Variants in RPS6KC1 observed in about 807,000 individuals in gnomAD.
RPS6KC1 encodes ribosomal protein S6 kinase C1, also known as inactive ribosomal protein S6 kinase delta-1.
In RPS6KC1, 54 loss-of-function variants were observed where a neutral mutation model predicts 103.8. The observed-to-expected ratio is 0.52, with a 90% confidence interval of 0.42 to 0.65. RPS6KC1 has a LOEUF of 0.65. Ranked by LOEUF, RPS6KC1 falls within the 30% of genes least tolerant of loss-of-function variation. The pLI, the probability that RPS6KC1 is intolerant of heterozygous loss-of-function variation, is 0.00. For missense variants in RPS6KC1, 1,151 were observed against 1,253.8 expected, an observed-to-expected ratio of 0.92 and a Z score of 1.24; for synonymous variants, 439 against 438.7, an observed-to-expected ratio of 1.00 and a Z score of -0.01.
chr1:213,727,212 C>T, the RPS6KC1 span, among the ~76,000 whole-genome samples: 1 of 152,174 alleles, frequency 6.6e-6, no homozygotes, highest in Non-Finnish European at 1.5e-5. Context: ...AATAGATCAT[C>T]TAGAAAATTT....
the RPS6KC1 span, among the ~76,000 whole-genome samples, chr1:213,375,010 CACACATACATACACATACACACACAT>C: frequency 6.6e-6 from 1 of 151,672 alleles, no homozygotes; most frequent in African/African-American, 2.4e-5. Flanking sequence ...CATACATACA[CACACATACATACACATACACACACAT>C]ACACATACAT....
chr1:213,316,061 T>A, the RPS6KC1 span, among the ~76,000 whole-genome samples: 7 of 152,186 alleles, frequency 4.6e-5, no homozygotes, highest in Non-Finnish European at 8.8e-5. Context: ...ATCCCCATAA[T>A]CCCCACATGT....
At chr1:213,500,823 A>G in the RPS6KC1 span, among the ~76,000 whole-genome samples, 1 of 152,218 alleles carries the variant, frequency 6.6e-6, no homozygotes, top group Admixed American at 6.5e-5. Context: ...AATATTTTAG[A>G]ATGAATTATG....
At chr1:213,539,880 C>T in the RPS6KC1 span, among the ~76,000 whole-genome samples, 24 of 151,968 alleles carry the variant, frequency 1.6e-4, 1 homozygote, top group African/African-American at 5.3e-4. Context: ...TTCCCTAGTA[C>T]GTATAAAAGT....
chr1:213,398,770 T>G, the RPS6KC1 span, among the ~76,000 whole-genome samples: 1 of 152,168 alleles, frequency 6.6e-6, no homozygotes, highest in Admixed American at 6.5e-5. Flanking sequence ...TATATTTTCT[T>G]TAATTTCCTC....
chr1:213,573,887 T>C, the RPS6KC1 span, among the ~76,000 whole-genome samples: 1 of 152,200 alleles, frequency 6.6e-6, no homozygotes, highest in African/African-American at 2.4e-5. Flanking sequence ...AGTCCAGTTA[T>C]GGAAATGCCA....
the RPS6KC1 span, among the ~76,000 whole-genome samples, chr1:213,330,849 C>T: frequency 6.6e-6 from 1 of 152,086 alleles, no homozygotes; most frequent in Non-Finnish European, 1.5e-5. Flanking sequence ...TCATTTTCTC[C>T]TAGAAGGAGA....
At chr1:213,737,700 T>A in the RPS6KC1 span, among the ~76,000 whole-genome samples, 3 of 152,084 alleles carry the variant, frequency 2.0e-5, no homozygotes, top group Non-Finnish European at 4.4e-5. Context: ...TAAGGGAAGG[T>A]GGTCCAATTC....
chr1:213,428,472 C>CCTTCCTTCCTT, the RPS6KC1 span, among the ~76,000 whole-genome samples: 170 of 34,150 alleles, frequency 5.0e-3, 2 homozygotes, highest in African/African-American at 0.021. Context: ...TTTCCTCCCT[C>CCTTCCTTCCTT]CCTCCCTCCC....
intron 8 of RPS6KC1, among the ~76,000 whole-genome samples, chr1:213,190,665 A>G (rs971879450): frequency 6.6e-6 from 1 of 151,974 alleles, no homozygotes; most frequent in South Asian, 2.1e-4. Flanking sequence ...ATATGATCCT[A>G]TTTGTCCATT....
At chr1:213,331,135 G>C in the RPS6KC1 span, among the ~76,000 whole-genome samples, 2 of 152,244 alleles carry the variant, frequency 1.3e-5, no homozygotes, top group African/African-American at 4.8e-5. Context: ...CTGCTAATGT[G>C]CTGGCACAGG....
the RPS6KC1 span, among the ~76,000 whole-genome samples, chr1:213,848,864 G>A: frequency 1.3e-5 from 2 of 152,092 alleles, no homozygotes; most frequent in East Asian, 1.9e-4. Context: ...AGCAGAGCCC[G>A]AGGCAAAGTT....
the RPS6KC1 span, among the ~76,000 whole-genome samples, chr1:213,761,061 G>C: frequency 9.2e-5 from 14 of 151,920 alleles, no homozygotes; most frequent in African/African-American, 3.4e-4. Flanking sequence ...AGCTGGTCTC[G>C]GTGACTCTGT....
At chr1:213,304,165 C>A in the RPS6KC1 span, among the ~76,000 whole-genome samples, 13 of 144,968 alleles carry the variant, frequency 9.0e-5, no homozygotes, top group Non-Finnish European at 1.0e-4. Flanking sequence ...GAGATCCCGC[C>A]ACTGCACTCC....
chr1:213,165,637 A>T (rs1348083934), intron 6 of RPS6KC1, among the ~76,000 whole-genome samples: 1 of 151,944 alleles, frequency 6.6e-6, no homozygotes, highest in Non-Finnish European at 1.5e-5. Context: ...GTTAGCCAGG[A>T]TGGTCTCGAA....
At chr1:213,098,168 T>C (rs992624598) in intron 3 of RPS6KC1, among the ~76,000 whole-genome samples, 1 of 152,046 alleles carries the variant, frequency 6.6e-6, no homozygotes, top group Non-Finnish European at 1.5e-5. Flanking sequence ...AAGGCTGGAG[T>C]GTAGTGATGC....
rs887492281 is a variant in RPS6KC1, at chr1:213,051,271, G to A, written c.-134G>A. On this transcript the variant is annotated 5_prime_UTR_variant, in exon 1 of 15. Coordinates refer to ENST00000366960, the MANE Select transcript of RPS6KC1 (RefSeq NM_012424.6). Reference sequence around the variant, plus strand: ...GGAAGCAGAGCTGTGCAGCTGAGGCGCCGCCGTGGAGCCGCCTTGGAGCCA... The same window carrying A: ...GGAAGCAGAGCTGTGCAGCTGAGGCACCGCCGTGGAGCCGCCTTGGAGCCA... The A allele has an allele frequency of 2.2e-5, 14 of 636,614 alleles. No homozygotes were observed. Among genetic ancestry groups the A allele is most frequent in the Non-Finnish European group, 3.6e-5 (13 of 362,404 alleles). 39.4% of individuals were successfully genotyped at this position (636,614 alleles called of 1,614,324 possible).
the RPS6KC1 span, among the ~76,000 whole-genome samples, chr1:213,356,436 C>T: frequency 6.6e-6 from 1 of 152,050 alleles, no homozygotes; most frequent in East Asian, 1.9e-4. Flanking sequence ...CAGCAGATCA[C>T]CTGAGGTCAG....
the RPS6KC1 span, among the ~76,000 whole-genome samples, chr1:213,533,264 ATGACTGACTT>A: frequency 6.6e-6 from 1 of 152,160 alleles, no homozygotes; most frequent in African/African-American, 2.4e-5. Context: ...GGATGCACTG[ATGACTGACTT>A]TGACTGACTT....
Sources: allele counts gnomAD v4.1 joint callset (sites outside exome capture counted in the v4.1 genomes callset), GRCh38; gene constraint gnomAD v4.1.1; transcripts MANE v1.5; gene names NCBI Gene and HGNC (gene_info 2026-07-23, HGNC 2026-07-21).